Variants in FBXO34 observed in about 807,000 individuals in gnomAD.
FBXO34 encodes F-box protein 34.
FBXO34 carries 12 observed loss-of-function variants against 24.5 expected under a neutral mutation model. The ratio of observed to expected loss-of-function variants is 0.49; its 90% CI spans 0.31 to 0.79. The LOEUF is 0.79. Ranked by LOEUF, FBXO34 falls within the 30% of genes least tolerant of loss-of-function variation. The pLI, the probability that FBXO34 is intolerant of heterozygous loss-of-function variation, is 0.04. For synonymous variants in FBXO34, 320 were observed against 311.9 expected (o/e 1.03, Z -0.27); for missense variants, 823 against 857.7 (o/e 0.96, Z 0.51).
the FBXO34 span, chr14:55,380,421 GGCT>G: frequency 8.8e-6 from 5 of 570,192 alleles, no homozygotes; most frequent in Non-Finnish European, 1.2e-5. Context: ...CTGCACATAA[GGCT>G]TTTGAAATTA....
At chr14:55,305,032 A>G (rs2139723465) in intron 1 of FBXO34, among the ~76,000 whole-genome samples, 3 of 152,322 alleles carry the variant, frequency 2.0e-5, no homozygotes, top group Admixed American at 2.0e-4. Flanking sequence ...AGTTTGAGCA[A>G]TAGATTTCTC....
chr14:55,308,998 G>A (rs939603886), intron 1 of FBXO34, among the ~76,000 whole-genome samples: 1 of 152,090 alleles, frequency 6.6e-6, no homozygotes. Context: ...CATTTGTGTT[G>A]ATCACAATTT....
chr14:55,309,573 AC>A (rs1444723175), intron 1 of FBXO34, among the ~76,000 whole-genome samples: 1 of 152,224 alleles, frequency 6.6e-6, no homozygotes, highest in Non-Finnish European at 1.5e-5. Context: ...AACAAAAGTT[AC>A]CCACACAACA....
chr14:55,273,615 A>C (rs1161638690), intron 1 of FBXO34, among the ~76,000 whole-genome samples: 1 of 152,198 alleles, frequency 6.6e-6, no homozygotes, highest in Non-Finnish European at 1.5e-5. Flanking sequence ...CCAGAGACTG[A>C]GAGGCACTTG....
chr14:55,302,677 CAT>C (rs1202694639), intron 1 of FBXO34, among the ~76,000 whole-genome samples: 1 of 151,912 alleles, frequency 6.6e-6, no homozygotes, highest in Non-Finnish European at 1.5e-5. Flanking sequence ...CTATTTTACT[CAT>C]AGACTCTGTG....
chr14:55,297,176 C>G (rs1424758674), intron 1 of FBXO34, among the ~76,000 whole-genome samples: 1 of 152,154 alleles, frequency 6.6e-6, no homozygotes, highest in Non-Finnish European at 1.5e-5. Flanking sequence ...GTCTGCAGCT[C>G]TATTTTATAG....
At chr14:55,411,648 C>T in the FBXO34 span, 10,257 of 1,613,380 alleles carry the variant, frequency 6.4e-3, 531 homozygotes, top group African/African-American at 0.12. Flanking sequence ...CCGCTCTGAA[C>T]GCATTTGGCG....
In FBXO34 at chr14:55,352,467, A is replaced by G. The variant is rs1047772301; in HGVS notation, c.2077A>G (p.Ser693Gly). 6 of 1,613,924 alleles carry G rather than the reference A, an allele frequency of 3.7e-6. No individual in the cohort carries two copies. The highest frequency in any genetic ancestry group is 1.3e-5 in the African/African-American group (1 of 74,936). ...HDNHWVPACH[S>G]FNRAIHKKAK... ...CAATCACTGGGTTCCTGCCTGCCAC[A>G]GCTTTAATCGGGCAATCCATAAGAA... Residue 693 changes from serine (S) to glycine (G), a missense_variant, in exon 2 of 2, where the codon AGC becomes GGC. Coordinates refer to ENST00000313833, the MANE Select transcript of FBXO34 (RefSeq NM_017943.4).
chr14:55,369,743 T>C, downstream of FBXO34: 1 of 1,614,042 alleles, frequency 6.2e-7, no homozygotes, highest in Non-Finnish European at 8.5e-7. Flanking sequence ...CTGGGAGACT[T>C]CCACAGACTG....
chr14:55,315,664 G>A (rs1251331101), intron 1 of FBXO34, among the ~76,000 whole-genome samples: 1 of 152,162 alleles, frequency 6.6e-6, no homozygotes, highest in Admixed American at 6.5e-5. Flanking sequence ...GAATTTTAAA[G>A]GGAAGTTCCA....
intron 1 of FBXO34, among the ~76,000 whole-genome samples, chr14:55,343,188 G>A (rs180948596): frequency 8.0e-5 from 12 of 150,612 alleles, no homozygotes; most frequent in Middle Eastern, 6.9e-3. Context: ...CTCTCTAAAG[G>A]TATTATATAA....
chr14:55,425,019 C>T, the FBXO34 span, among the ~76,000 whole-genome samples: 1 of 152,152 alleles, frequency 6.6e-6, no homozygotes, highest in Non-Finnish European at 1.5e-5. Context: ...AAAAGACATC[C>T]AAGCAATGGA....
downstream of FBXO34, chr14:55,369,598 G>T: frequency 6.8e-7 from 1 of 1,472,640 alleles, no homozygotes; most frequent in Non-Finnish European, 9.0e-7. Flanking sequence ...TGCAGATTTG[G>T]TATGTTTTGG....
intron 1 of FBXO34, among the ~76,000 whole-genome samples, chr14:55,307,329 G>A (rs868704626): frequency 6.6e-6 from 1 of 152,256 alleles, no homozygotes; most frequent in Middle Eastern, 3.4e-3. Context: ...TTGCATATTT[G>A]TCACTGCAAC....
At chr14:55,375,330 A>C in the FBXO34 span, among the ~76,000 whole-genome samples, 2 of 151,968 alleles carry the variant, frequency 1.3e-5, no homozygotes. Context: ...TTGTATGTTT[A>C]TCTTTTTCTT....
At chr14:55,349,987 A>T (rs1884290940) in intron 1 of FBXO34, among the ~76,000 whole-genome samples, 1 of 152,162 alleles carries the variant, frequency 6.6e-6, no homozygotes, top group Admixed American at 6.5e-5. Context: ...TTAAAAATCT[A>T]GTAGGGATCT....
intron 1 of FBXO34, among the ~76,000 whole-genome samples, chr14:55,308,347 A>C (rs555359135): frequency 6.6e-6 from 1 of 152,240 alleles, no homozygotes; most frequent in Non-Finnish European, 1.5e-5. Flanking sequence ...GTATGAAATA[A>C]ACCAGTATTT....
chr14:55,331,564 C>G (rs761636419), intron 1 of FBXO34, among the ~76,000 whole-genome samples: 26 of 142,836 alleles, frequency 1.8e-4, no homozygotes, highest in Admixed American at 5.7e-4. Flanking sequence ...TATATATACA[C>G]ACACACACAT....
At chr14:55,288,531 G>A (rs1384891847) in intron 1 of FBXO34, among the ~76,000 whole-genome samples, 5 of 152,124 alleles carry the variant, frequency 3.3e-5, no homozygotes, top group African/African-American at 9.7e-5. Context: ...AGAAAACCAC[G>A]TACGGCCTGT....
Sources: gnomAD v4.1 joint callset for allele counts (sites outside exome capture counted in the v4.1 genomes callset) on GRCh38, gnomAD v4.1.1 for gene constraint, MANE v1.5 for transcripts, NCBI Gene and HGNC (gene_info 2026-07-23, HGNC 2026-07-21) for gene names.